Variants in SCHIP1 observed in about 807,000 individuals in gnomAD.
SCHIP1 encodes schwannomin interacting protein 1, also known as schwannomin-interacting protein 1.
Under a neutral mutation model 29.7 loss-of-function variants are expected in SCHIP1, and 8 were observed. The observed-to-expected ratio is 0.27, with a 90% CI of 0.16 to 0.49. SCHIP1 has a LOEUF of 0.49. Ranked by LOEUF, SCHIP1 falls within the 20% of genes least tolerant of loss-of-function variation. The pLI, the probability that SCHIP1 is intolerant of heterozygous loss-of-function variation, is 0.99. For missense variants in SCHIP1, 193 were observed against 294.6 expected (o/e 0.66, Z 2.52); for synonymous variants, 76 against 94.9 (o/e 0.80, Z 1.16).
chr3:159,387,506 C>A, the SCHIP1 span: 1 of 162,672 alleles, frequency 6.1e-6, no homozygotes, highest in South Asian at 1.5e-4. Context: ...GGTGTTCTAT[C>A]AGACAGGCAG....
the SCHIP1 span, among the ~76,000 whole-genome samples, chr3:159,438,894 T>A: frequency 6.6e-6 from 1 of 152,246 alleles, no homozygotes; most frequent in African/African-American, 2.4e-5. Flanking sequence ...CTATCACTGA[T>A]GGGCATTTAT....
chr3:159,680,735 ACAT>A, the SCHIP1 span, among the ~76,000 whole-genome samples: 1 of 102,152 alleles, frequency 9.8e-6, no homozygotes, highest in Admixed American at 1.5e-4. Flanking sequence ...TATATAATAT[ACAT>A]ATATAATATA....
At chr3:159,565,436 C>T in the SCHIP1 span, among the ~76,000 whole-genome samples, 17 of 152,282 alleles carry the variant, frequency 1.1e-4, no homozygotes, top group Non-Finnish European at 2.4e-4. Context: ...TGACTCTGGA[C>T]TTCTGCCTGG....
chr3:159,790,467 T>C, the SCHIP1 span, among the ~76,000 whole-genome samples: 1 of 152,138 alleles, frequency 6.6e-6, no homozygotes, highest in African/African-American at 2.4e-5. Context: ...GGCGGATCAC[T>C]TGAGGTCAGG....
the SCHIP1 span, among the ~76,000 whole-genome samples, chr3:159,828,679 C>T: frequency 6.6e-6 from 1 of 151,792 alleles, no homozygotes; most frequent in African/African-American, 2.4e-5. Flanking sequence ...TTCCCCAGTA[C>T]TCTATTAACC....
the SCHIP1 span, among the ~76,000 whole-genome samples, chr3:159,329,629 G>A: frequency 2.0e-5 from 3 of 152,110 alleles, no homozygotes; most frequent in East Asian, 1.9e-4. Flanking sequence ...CCTATTTATC[G>A]ACATAAAAAG....
chr3:159,718,889 G>A, the SCHIP1 span, among the ~76,000 whole-genome samples: 1 of 152,178 alleles, frequency 6.6e-6, no homozygotes, highest in East Asian at 1.9e-4. Context: ...CTACTTTAAA[G>A]TTCATATGGA....
chr3:159,613,958 G>A, the SCHIP1 span, among the ~76,000 whole-genome samples: 4 of 152,240 alleles, frequency 2.6e-5, no homozygotes, highest in East Asian at 3.9e-4. Context: ...TAACAATAAT[G>A]TATATTAACA....
chr3:159,329,716 A>T, the SCHIP1 span, among the ~76,000 whole-genome samples: 1 of 152,172 alleles, frequency 6.6e-6, no homozygotes, highest in Non-Finnish European at 1.5e-5. Flanking sequence ...TTAGTTTCCA[A>T]CATTTCCTAT....
the SCHIP1 span, among the ~76,000 whole-genome samples, chr3:159,479,680 A>G: frequency 6.6e-6 from 1 of 152,144 alleles, no homozygotes; most frequent in African/African-American, 2.4e-5. Context: ...CCCTGAATGG[A>G]CGGTTAACTC....
At chr3:159,448,791 A>C in the SCHIP1 span, among the ~76,000 whole-genome samples, 4 of 152,188 alleles carry the variant, frequency 2.6e-5, no homozygotes, top group Non-Finnish European at 5.9e-5. Context: ...TAACACACTC[A>C]TGAACTCATG....
chr3:159,403,600 C>CA, the SCHIP1 span, among the ~76,000 whole-genome samples: 1 of 152,136 alleles, frequency 6.6e-6, no homozygotes, highest in Admixed American at 6.6e-5. Flanking sequence ...ACATTTAGGC[C>CA]AGACCTAATC....
At chr3:159,589,427 T>C in the SCHIP1 span, among the ~76,000 whole-genome samples, 1 of 152,306 alleles carries the variant, frequency 6.6e-6, no homozygotes, top group Admixed American at 6.5e-5. Context: ...TTTGACTTCC[T>C]CTTTTCCTAA....
At chr3:159,625,392 C>T in the SCHIP1 span, among the ~76,000 whole-genome samples, 348 of 152,258 alleles carry the variant, frequency 2.3e-3, 1 homozygote, top group Non-Finnish European at 3.7e-3. Flanking sequence ...GAGAGTCACC[C>T]TTATTAACCA....
chr3:159,324,474 T>C, the SCHIP1 span, among the ~76,000 whole-genome samples: 1 of 152,164 alleles, frequency 6.6e-6, no homozygotes, highest in Non-Finnish European at 1.5e-5. Context: ...AGATTGAGAA[T>C]GTTTTTTCAT....
chr3:159,296,218 A>G, the SCHIP1 span, among the ~76,000 whole-genome samples: 1 of 152,174 alleles, frequency 6.6e-6, no homozygotes, highest in Non-Finnish European at 1.5e-5. Flanking sequence ...GTGAACATAA[A>G]AAATAGATTT....
the SCHIP1 span, among the ~76,000 whole-genome samples, chr3:159,553,148 GATAAAT>G: frequency 2.0e-5 from 3 of 151,382 alleles, no homozygotes; most frequent in African/African-American, 7.3e-5. Context: ...AATATTTTTA[GATAAAT>G]ATAAATTATT....
At chr3:159,654,332 T>C in the SCHIP1 span, among the ~76,000 whole-genome samples, 1 of 152,338 alleles carries the variant, frequency 6.6e-6, no homozygotes, top group African/African-American at 2.4e-5. Context: ...CTCTATCAGA[T>C]TTGGCACTCA....
At chr3:159,631,770 G>A in the SCHIP1 span, among the ~76,000 whole-genome samples, 2 of 152,070 alleles carry the variant, frequency 1.3e-5, no homozygotes, top group African/African-American at 4.8e-5. Context: ...GATTATGAAT[G>A]TATTTCGTGC....
Sources: allele counts gnomAD v4.1 joint callset (sites outside exome capture counted in the v4.1 genomes callset), GRCh38; gene constraint gnomAD v4.1.1; transcripts MANE v1.5; gene names NCBI Gene and HGNC (gene_info 2026-07-23, HGNC 2026-07-21).